The following MGAT4C variants were observed in gnomAD, a reference collection of about 807,000 sequenced individuals.
The protein encoded by MGAT4C is alpha-1,3-mannosyl-glycoprotein 4-beta-N-acetylglucosaminyltransferase C.
A neutral mutation model predicts 40.1 loss-of-function variants in MGAT4C; 19 were observed. The observed-to-expected ratio is 0.47, with a 90% CI of 0.33 to 0.70. MGAT4C has a LOEUF of 0.70. Ranked by LOEUF, MGAT4C falls within the 30% of genes least tolerant of loss-of-function variation. The probability of loss-of-function intolerance (pLI) is 0.02; values close to 1 mark genes in which losing one functional copy is unlikely to be tolerated. For synonymous variants in MGAT4C, 181 were observed against 187.1 expected, an observed-to-expected ratio of 0.97 and a Z score of 0.27; for missense variants, 491 against 563.2, an observed-to-expected ratio of 0.87 and a Z score of 1.30.
chr12:86,709,812 G>A (rs1321432614), intron 2 of MGAT4C, among the ~76,000 whole-genome samples: 6 of 152,000 alleles, frequency 3.9e-5, no homozygotes, highest in Non-Finnish European at 8.8e-5. Flanking sequence ...TGAAGAGATA[G>A]TTTTCTTGTT....
At chr12:86,132,975 T>G (rs925953167) in intron 1 of MGAT4C, among the ~76,000 whole-genome samples, 1 of 152,172 alleles carries the variant, frequency 6.6e-6, no homozygotes, top group Non-Finnish European at 1.5e-5. Flanking sequence ...AGTCTATATA[T>G]TTTCTCAGTT....
In MGAT4C at chr12:86,191,104, CACACACACACACACACACACACACACACA is replaced by C. The variant is rs1407203242; in HGVS notation, c.-57+65106_-57+65134del. Among the ~76,000 whole-genome samples the C allele has an allele frequency of 3.4e-3, 504 of 147,252 alleles. 2 individuals are homozygous for C. The highest frequency in any genetic ancestry group is 0.01 in the Middle Eastern group (3 of 290). ...CTCTGCACACACACACACACACACACACACACACACACACACACACACACACACACCCCTATAGGGTCTGTTTCTCTAAA... is the reference window on the plus strand; with the variant it reads ...CTCTGCACACACACACACACACACACCCCCTATAGGGTCTGTTTCTCTAAA... On this transcript the variant is annotated intron_variant, in intron 1 of 4. Transcript: ENST00000611864.
At chr12:86,654,366 C>T (rs901675366) in intron 2 of MGAT4C, among the ~76,000 whole-genome samples, 14 of 150,152 alleles carry the variant, frequency 9.3e-5, no homozygotes, top group Non-Finnish European at 1.6e-4. Flanking sequence ...TGACAACAAT[C>T]GAAATCAGCT....
At chr12:86,241,910 C>A (rs967333555) in intron 1 of MGAT4C, among the ~76,000 whole-genome samples, 9 of 152,114 alleles carry the variant, frequency 5.9e-5, no homozygotes, top group Non-Finnish European at 1.2e-4. Flanking sequence ...TTGCCTGAGC[C>A]TGCTTTGCCA....
chr12:86,154,628 G>A, intron 1 of MGAT4C, among the ~76,000 whole-genome samples: 1 of 152,116 alleles, frequency 6.6e-6, no homozygotes, highest in East Asian at 1.9e-4. Flanking sequence ...CAACGGAAAT[G>A]GACCTATTGG....
chr12:86,351,392 A>T (rs181698728), intron 3 of MGAT4C, among the ~76,000 whole-genome samples: 31 of 152,184 alleles, frequency 2.0e-4, no homozygotes, highest in Non-Finnish European at 2.9e-4. Context: ...AATGTACAGG[A>T]ATAATCAAGA....
At chr12:86,209,007 C>G (rs937948998) in intron 1 of MGAT4C, among the ~76,000 whole-genome samples, 9 of 152,008 alleles carry the variant, frequency 5.9e-5, no homozygotes, top group African/African-American at 2.2e-4. Flanking sequence ...ATCTAAATAT[C>G]GCATTCAAAT....
intron 3 of MGAT4C, among the ~76,000 whole-genome samples, chr12:86,392,476 TAACAACAAC>T (rs145566549): frequency 2.6e-5 from 4 of 151,568 alleles, no homozygotes; most frequent in Non-Finnish European, 4.4e-5. Context: ...CTGTCAAAAA[TAACAACAAC>T]AACAACAACA....
At chr12:86,765,749 T>G (rs1273403625) in intron 1 of MGAT4C, among the ~76,000 whole-genome samples, 1 of 152,150 alleles carries the variant, frequency 6.6e-6, no homozygotes, top group Admixed American at 6.5e-5. Flanking sequence ...ACCCAGAATT[T>G]CATATCCAGC....
chr12:86,138,144 T>C (rs17284820), intron 1 of MGAT4C, among the ~76,000 whole-genome samples: 12,204 of 152,044 alleles, frequency 0.08, 674 homozygotes, highest in Middle Eastern at 0.22. Context: ...GTTTCCTTTA[T>C]CCTGCTTGGC....
At chr12:86,449,810 C>G (rs1461629138) in intron 2 of MGAT4C, among the ~76,000 whole-genome samples, 1 of 152,040 alleles carries the variant, frequency 6.6e-6, no homozygotes, top group South Asian at 2.1e-4. Context: ...GGTTTTATGA[C>G]CACATCTAAT....
At chr12:86,486,376 GCA>G (rs59222713) in intron 2 of MGAT4C, among the ~76,000 whole-genome samples, 19,696 of 139,760 alleles carry the variant, frequency 0.14, 1,536 homozygotes, top group African/African-American at 0.23. Flanking sequence ...GATCTATCAT[GCA>G]CACACACACA....
rs1961298686 is a variant in MGAT4C at position 86,590,713 on chromosome 12, C to T, written c.-229+136496G>A. Among the ~76,000 whole-genome samples, 2 of 151,986 alleles carry T rather than the reference C, an allele frequency of 1.3e-5. 1 individual carries two copies. Among genetic ancestry groups the T allele is most frequent in the South Asian group, 4.1e-4 (2 of 4,826 alleles). ...CAGAAACAAAAAAAAATTGAGAGATCAGACTGGAATGTTTAATTCCCTGAA... is the reference window on the plus strand; with the variant it reads ...CAGAAACAAAAAAAAATTGAGAGATTAGACTGGAATGTTTAATTCCCTGAA... On this transcript the variant is annotated intron_variant, in intron 2 of 7. Transcript: ENST00000548651.
At chr12:86,692,293 A>G (rs1392542454) in intron 2 of MGAT4C, among the ~76,000 whole-genome samples, 1 of 152,182 alleles carries the variant, frequency 6.6e-6, no homozygotes, top group Non-Finnish European at 1.5e-5. Context: ...TACAAAAAAT[A>G]TCACAGTACG....
At chr12:86,435,387 A>G (rs914162429) in intron 2 of MGAT4C, 1 of 151,936 alleles carries the variant, frequency 6.6e-6, no homozygotes, top group African/African-American at 2.4e-5. Context: ...CAAGCCCATT[A>G]CATTTCTACT....
intron 1 of MGAT4C, among the ~76,000 whole-genome samples, chr12:86,808,690 G>A (rs1011734333): frequency 1.3e-5 from 2 of 151,904 alleles, no homozygotes; most frequent in African/African-American, 4.8e-5. Flanking sequence ...GGCAAAAACT[G>A]GAAGCATTCC....
chr12:86,093,919 C>T (rs1185379955), intron 1 of MGAT4C, among the ~76,000 whole-genome samples: 2 of 152,146 alleles, frequency 1.3e-5, no homozygotes, highest in Non-Finnish European at 2.9e-5. Flanking sequence ...CTTCAATATG[C>T]TATAAATTTT....
chr12:85,982,901 T>C (rs1407060042), intron 4 of MGAT4C, among the ~76,000 whole-genome samples: 1 of 152,164 alleles, frequency 6.6e-6, no homozygotes, highest in Admixed American at 6.5e-5. Context: ...CCATTGATGA[T>C]GGAGGCAGGA....
intron 1 of MGAT4C, among the ~76,000 whole-genome samples, chr12:86,831,545 T>C (rs541536138): frequency 6.6e-6 from 1 of 151,964 alleles, no homozygotes; most frequent in Non-Finnish European, 1.5e-5. Flanking sequence ...TCCCTACTCA[T>C]ATGAACATAA....
Sources: gnomAD v4.1 joint callset for allele counts (sites outside exome capture counted in the v4.1 genomes callset) on GRCh38, gnomAD v4.1.1 for gene constraint, MANE v1.5 for transcripts, NCBI Gene and HGNC (gene_info 2026-07-23, HGNC 2026-07-21) for gene names.